Variants in GEMIN8 observed in about 807,000 individuals in gnomAD.
GEMIN8 encodes the protein gem nuclear organelle associated protein 8, also known as gem-associated protein 8.
For synonymous variants in GEMIN8, 80 were observed against 78.5 expected (o/e 1.02, Z -0.10); for missense variants, 185 against 205.9 (o/e 0.90, Z 0.62).
Position 14,020,483 on chromosome X carries a change from T to C in GEMIN8, c.67A>G (p.Arg23Gly), listed in dbSNP as rs748405848. Residue 23 changes from arginine to glycine, a missense_variant, in exon 4 of 5, where the codon AGA becomes GGA. By Grantham distance (125) the Arg-to-Gly change is moderately radical (BLOSUM62 -2). Transcript: ENST00000680255. The part of the protein sequence containing the change: ...RPWYSHPVYA[R>G]YWQHYHQAMA... ...GCTTGATGATAATGTTGCCAGTATCTTGCATATACCGGATGAGAATACCAA... is the reference window on the plus strand; with the variant it reads ...GCTTGATGATAATGTTGCCAGTATCCTGCATATACCGGATGAGAATACCAA... 1 of 1,204,928 alleles carries C rather than the reference T, an allele frequency of 8.3e-7. No homozygotes were observed. Among genetic ancestry groups the C allele is most frequent in the African/African-American group, 1.8e-5 (1 of 57,111 alleles).
rs775229619 is a variant in GEMIN8 at position 14,017,981 on chromosome X, C to T, written c.472+2097G>A. On this transcript the variant is annotated intron_variant, in intron 4 of 4. Coordinates refer to ENST00000680255, the MANE Select transcript of GEMIN8 (RefSeq NM_001042479.2). ...ACAGATTTGGAAATAATATGAAACA[C>T]AGAGATGAAGCTTATCAAGTTTATA... Among the ~76,000 whole-genome samples the T allele has an allele frequency of 1.5e-3, 173 of 112,229 alleles. 1 individual carries two copies. The highest frequency in any genetic ancestry group is 2.8e-3 in the Non-Finnish European group (150 of 53,237).
rs199958165 is a variant in GEMIN8, at chrX:14,009,183, C to T, written c.473-14G>A. ...GCTGCTGCCGCCCTGAGAACAAACA[C>T]GAACGTGAACATGAACATAAACACA... On this transcript the variant is annotated splice_polypyrimidine_tract_variant and intron_variant, in intron 4 of 4. Transcript: ENST00000680255. 8.6e-4 allele frequency: 1,032 copies of T among 1,206,524 alleles called. No homozygotes were observed. Among genetic ancestry groups the T allele is most frequent in the Non-Finnish European group, 1.1e-3 (976 of 892,389 alleles).
chrX:13,999,838 T>C, the GEMIN8 span, among the ~76,000 whole-genome samples: 2 of 111,823 alleles, frequency 1.8e-5, no homozygotes, highest in African/African-American at 6.5e-5. Flanking sequence ...AAAGCTCCCT[T>C]CTCATCATAT....
chrX:14,006,262 CA>C (rs1302416583), downstream of GEMIN8, among the ~76,000 whole-genome samples: 2 of 110,710 alleles, frequency 1.8e-5, no homozygotes, highest in Non-Finnish European at 3.8e-5. Flanking sequence ...CTCCTGACTT[CA>C]GGCGATCCGC....
intron 2 of GEMIN8, among the ~76,000 whole-genome samples, chrX:14,024,218 G>A (rs941977579): frequency 2.7e-5 from 3 of 112,303 alleles, no homozygotes; most frequent in Non-Finnish European, 5.6e-5. Context: ...AGAGGGAGGG[G>A]CCAGACACTG....
In GEMIN8 at chrX:14,026,184, G is replaced by T; in HGVS notation, c.-78C>A. ...ACTCTTTTATGGCACAAGCCTTCAG[G>T]GACTGAACAGTAACTTTTCTCCAAT... is the stretch of plus-strand genomic sequence containing the variant. On this transcript the variant is annotated 5_prime_UTR_variant, in exon 2 of 5. Transcript: ENST00000680255. 1.3e-6 allele frequency: 1 copy of T among 751,367 alleles called. No homozygotes were observed. The allele number at this position is 751,367 out of a possible 1,213,427, so 61.9% of individuals were successfully genotyped here.
At chrX:14,003,217 T>A (rs1286450760), downstream of GEMIN8, among the ~76,000 whole-genome samples, 1 of 112,631 alleles carries the variant, frequency 8.9e-6, no homozygotes, top group African/African-American at 3.2e-5. Flanking sequence ...TCAGCTCAGC[T>A]CCTGTGCTTT....
At chrX:14,023,153 A>G (rs1924476034) in intron 2 of GEMIN8, among the ~76,000 whole-genome samples, 1 of 112,152 alleles carries the variant, frequency 8.9e-6, no homozygotes, top group Non-Finnish European at 1.9e-5. Context: ...ATTAATCTAT[A>G]ATTTTAATGT....
downstream of GEMIN8, among the ~76,000 whole-genome samples, chrX:14,006,033 G>C (rs1163621191): frequency 9.9e-6 from 1 of 100,796 alleles, no homozygotes; most frequent in African/African-American, 3.7e-5. Flanking sequence ...TGGCCAAAGA[G>C]CTAGGGACAC....
chrX:13,993,979 A>G, the GEMIN8 span, among the ~76,000 whole-genome samples: 1 of 111,274 alleles, frequency 9.0e-6, no homozygotes, highest in Non-Finnish European at 1.9e-5. Flanking sequence ...CTAAAGTTTG[A>G]GAAGTAGTAC....
At chrX:13,997,762 G>A in the GEMIN8 span, among the ~76,000 whole-genome samples, 1 of 110,014 alleles carries the variant, frequency 9.1e-6, no homozygotes, top group South Asian at 3.9e-4. Flanking sequence ...GCCAGGTGTG[G>A]TGATGCATGC....
chrX:14,005,865 G>A (rs1420545897), downstream of GEMIN8, among the ~76,000 whole-genome samples: 3 of 111,049 alleles, frequency 2.7e-5, no homozygotes, highest in African/African-American at 9.9e-5. Context: ...TGTCAGAAGT[G>A]CTCTCTGTTG....
the GEMIN8 span, among the ~76,000 whole-genome samples, chrX:13,999,174 T>A: frequency 9.0e-6 from 1 of 111,162 alleles, no homozygotes; most frequent in Non-Finnish European, 1.9e-5. Flanking sequence ...TCAGTTACCC[T>A]CATTGTTAAC....
Position 14,007,290 on chromosome X carries a change from CT to C in GEMIN8, c.*1622del, listed in dbSNP as rs1317157553. On this transcript the variant is annotated 3_prime_UTR_variant, in exon 5 of 5. Transcript: ENST00000680255. ...AGAGAGAAACATGTCAATACTAAAT[CT>C]TTTCACCAGCCTTTGATGGATGTGC... Among the ~76,000 whole-genome samples the C allele has an allele frequency of 9.0e-6, 1 of 111,624 alleles. No individual in the cohort carries two copies. The highest frequency in any genetic ancestry group is 3.3e-5 in the African/African-American group (1 of 30,725).
chrX:13,999,310 T>C, the GEMIN8 span, among the ~76,000 whole-genome samples: 6 of 106,553 alleles, frequency 5.6e-5, no homozygotes, highest in African/African-American at 2.1e-4. Context: ...GAGATTTACT[T>C]TTGTTGCCCA....
chrX:14,015,299 A>G (rs1254286966), intron 4 of GEMIN8, among the ~76,000 whole-genome samples: 3 of 112,513 alleles, frequency 2.7e-5, no homozygotes, highest in East Asian at 2.8e-4. Context: ...ACCTAATAAT[A>G]AACATTTTTC....
intron 4 of GEMIN8, among the ~76,000 whole-genome samples, chrX:14,017,805 C>A (rs896258215): frequency 1.8e-5 from 2 of 112,223 alleles, no homozygotes; most frequent in Non-Finnish European, 1.9e-5. Flanking sequence ...GTAATGACCT[C>A]ACTTAACCTC....
At chrX:14,011,295 G>A (rs1923518366) in intron 4 of GEMIN8, among the ~76,000 whole-genome samples, 2 of 111,401 alleles carry the variant, frequency 1.8e-5, no homozygotes, top group African/African-American at 6.5e-5. Context: ...CAGTCACTAA[G>A]TTCATACAGG....
intron 1 of GEMIN8, chrX:14,026,445 A>G (rs988576732): frequency 1.5e-4 from 110 of 725,287 alleles, no homozygotes; most frequent in Non-Finnish European, 1.8e-4. Flanking sequence ...GGCAAGGCAG[A>G]GACTGAGTCT....
Sources: allele counts gnomAD v4.1 joint callset (sites outside exome capture counted in the v4.1 genomes callset), GRCh38; gene constraint gnomAD v4.1.1; transcripts MANE v1.5; gene names NCBI Gene and HGNC (gene_info 2026-07-23, HGNC 2026-07-21).